Variants in RANBP2 observed in about 807,000 individuals in gnomAD.
RANBP2 encodes the protein E3 SUMO-protein ligase RanBP2.
In RANBP2, 57 loss-of-function variants were observed where a neutral mutation model predicts 303.6. The observed-to-expected ratio is 0.19, with a 90% CI of 0.15 to 0.23. The LOEUF (loss-of-function observed/expected upper bound fraction) is 0.23, where lower values mean the gene tolerates loss of function less well. Ranked by LOEUF, RANBP2 falls within the 10% of genes least tolerant of loss-of-function variation. The probability of loss-of-function intolerance (pLI) is 1.00; values close to 1 mark genes in which losing one functional copy is unlikely to be tolerated. For missense variants in RANBP2, 3,138 were observed against 3,780.8 expected (o/e 0.83, Z 4.46); for synonymous variants, 1,167 against 1,301.5 (o/e 0.90, Z 2.23).
chr2:109,616,212 A>G, the RANBP2 span: 1 of 1,273,926 alleles, frequency 7.8e-7, no homozygotes, highest in Non-Finnish European at 1.0e-6. Context: ...AGTTCTCTTC[A>G]GGCTAGCCTT....
At chr2:109,332,645 C>G in the RANBP2 span, among the ~76,000 whole-genome samples, 1 of 152,298 alleles carries the variant, frequency 6.6e-6, no homozygotes, top group Non-Finnish European at 1.5e-5. Context: ...GGTGGAACAT[C>G]CTCTAATTTG....
the RANBP2 span, among the ~76,000 whole-genome samples, chr2:109,175,716 T>C: frequency 6.6e-6 from 1 of 152,168 alleles, no homozygotes; most frequent in African/African-American, 2.4e-5. Flanking sequence ...CTAGGTAGAG[T>C]GTACATAAAA....
the RANBP2 span, among the ~76,000 whole-genome samples, chr2:108,807,328 C>G: frequency 1.3e-5 from 2 of 152,002 alleles, no homozygotes; most frequent in African/African-American, 4.8e-5. Flanking sequence ...AATTTGAAAA[C>G]TAAAAAATAC....
chr2:109,572,844 T>C, the RANBP2 span, among the ~76,000 whole-genome samples: 1 of 152,092 alleles, frequency 6.6e-6, no homozygotes, highest in African/African-American at 2.4e-5. Context: ...CTCAAACTCC[T>C]GACCTTGTGA....
chr2:109,249,588 C>CCTTCCTTCTTTTCTTTCTTTCTTTCTTTT, the RANBP2 span, among the ~76,000 whole-genome samples: 1 of 134,510 alleles, frequency 7.4e-6, no homozygotes, highest in African/African-American at 3.0e-5. Context: ...TCCTTCCTTT[C>CCTTCCTTCTTTTCTTTCTTTCTTTCTTTT]CTTTCTTTCT....
chr2:109,050,984 A>G, the RANBP2 span, among the ~76,000 whole-genome samples: 2 of 152,140 alleles, frequency 1.3e-5, no homozygotes, highest in African/African-American at 2.4e-5. Flanking sequence ...TTAGCCAGGT[A>G]GGAGTAAACC....
At chr2:108,931,729 CT>C in the RANBP2 span, among the ~76,000 whole-genome samples, 8 of 150,030 alleles carry the variant, frequency 5.3e-5, no homozygotes, top group African/African-American at 9.8e-5. Context: ...GTTTTTTTTT[CT>C]TTTTTTTTGC....
chr2:108,866,136 CAGAA>C, the RANBP2 span, among the ~76,000 whole-genome samples: 1 of 152,136 alleles, frequency 6.6e-6, no homozygotes, highest in African/African-American at 2.4e-5. Context: ...CTGGATTTCA[CAGAA>C]AGGGAATTTG....
the RANBP2 span, among the ~76,000 whole-genome samples, chr2:109,008,451 A>C: frequency 6.6e-6 from 1 of 152,180 alleles, no homozygotes; most frequent in East Asian, 1.9e-4. Context: ...CAATATTTTA[A>C]CAGAAACAAT....
chr2:108,990,254 A>AC, the RANBP2 span, among the ~76,000 whole-genome samples: 1 of 151,506 alleles, frequency 6.6e-6, no homozygotes, highest in Non-Finnish European at 1.5e-5. Flanking sequence ...ACAAGGTGAA[A>AC]CCCCGTCTCT....
the RANBP2 span, among the ~76,000 whole-genome samples, chr2:109,722,772 G>C: frequency 6.6e-6 from 1 of 152,124 alleles, no homozygotes; most frequent in Admixed American, 6.5e-5. Context: ...GAAGATAATG[G>C]CTTCCAAATC....
the RANBP2 span, among the ~76,000 whole-genome samples, chr2:109,153,467 C>A: frequency 6.6e-6 from 1 of 152,136 alleles, no homozygotes; most frequent in African/African-American, 2.4e-5. Context: ...TATGAAAGGA[C>A]ATGAAATAAC....
At chr2:109,405,501 C>G in the RANBP2 span, among the ~76,000 whole-genome samples, 1 of 152,226 alleles carries the variant, frequency 6.6e-6, no homozygotes, top group Admixed American at 6.5e-5. Flanking sequence ...TCCCTGCGCA[C>G]CACGCTGCTC....
the RANBP2 span, among the ~76,000 whole-genome samples, chr2:109,610,981 A>C: frequency 0.026 from 3,916 of 152,332 alleles, 63 homozygotes; most frequent in South Asian, 0.074. Flanking sequence ...CAGCTACAGG[A>C]ATCAAGACTG....
chr2:109,075,025 C>CAAAAAAA, the RANBP2 span, among the ~76,000 whole-genome samples: 6 of 44,670 alleles, frequency 1.3e-4, no homozygotes, highest in Admixed American at 6.4e-4. Context: ...GTCTCCATCT[C>CAAAAAAA]AAAAAAAAAA....
the RANBP2 span, among the ~76,000 whole-genome samples, chr2:108,862,353 G>T: frequency 2.0e-5 from 3 of 152,162 alleles, no homozygotes; most frequent in Non-Finnish European, 2.9e-5. Flanking sequence ...AGGGAATGCA[G>T]AGCTTCCTCA....
the RANBP2 span, among the ~76,000 whole-genome samples, chr2:109,175,133 C>G: frequency 6.6e-6 from 1 of 152,138 alleles, no homozygotes; most frequent in Non-Finnish European, 1.5e-5. Context: ...CATTATCAGT[C>G]CCACTAAACC....
chr2:109,481,026 G>A, the RANBP2 span, among the ~76,000 whole-genome samples: 2 of 152,224 alleles, frequency 1.3e-5, no homozygotes, highest in Non-Finnish European at 2.9e-5. Flanking sequence ...CTTCAGGCAA[G>A]AGGACACCGA....
the RANBP2 span, among the ~76,000 whole-genome samples, chr2:109,423,001 G>C: frequency 2.0e-5 from 3 of 152,166 alleles, no homozygotes; most frequent in East Asian, 5.8e-4. Context: ...GAGAGCAACG[G>C]AACTCTTGGC....
Sources: allele counts gnomAD v4.1 joint callset (sites outside exome capture counted in the v4.1 genomes callset), GRCh38; gene constraint gnomAD v4.1.1; transcripts MANE v1.5; gene names NCBI Gene and HGNC (gene_info 2026-07-23, HGNC 2026-07-21).